The following ADAMTS17 variants were observed in gnomAD, a reference collection of about 807,000 sequenced individuals.
ADAMTS17 encodes the protein ADAM metallopeptidase with thrombospondin type 1 motif 17.
In ADAMTS17, 113 loss-of-function variants were observed where a neutral mutation model predicts 141.5. That is an observed-to-expected ratio of 0.80 (90% confidence interval 0.69 to 0.93). The LOEUF (loss-of-function observed/expected upper bound fraction) is 0.93. Among genes scored for constraint, ADAMTS17 ranks in the 40% least tolerant of loss-of-function variants. ADAMTS17 has a pLI of 0.00. For synonymous variants in ADAMTS17, 768 were observed against 630.6 expected, an observed-to-expected ratio of 1.22 and a Z score of -3.27; for missense variants, 1,659 against 1,517.9, an observed-to-expected ratio of 1.09 and a Z score of -1.54.
chr15:100,171,206 C>T (rs561282105), intron 8 of ADAMTS17, among the ~76,000 whole-genome samples: 85 of 152,282 alleles, frequency 5.6e-4, no homozygotes, highest in African/African-American at 1.8e-3. Context: ...CAGGGATGTC[C>T]GATGGGACAG....
At chr15:100,310,723 G>A (rs571688080) in intron 3 of ADAMTS17, among the ~76,000 whole-genome samples, 9 of 152,280 alleles carry the variant, frequency 5.9e-5, no homozygotes, top group African/African-American at 1.7e-4. Flanking sequence ...GAACACTCCC[G>A]GCTTTACTGG....
chr15:100,299,385 G>A (rs915493563), intron 3 of ADAMTS17, among the ~76,000 whole-genome samples: 2 of 150,226 alleles, frequency 1.3e-5, no homozygotes, highest in Admixed American at 6.7e-5. Flanking sequence ...CAGCAAATCC[G>A]CAAAAAACAA....
chr15:100,258,088 T>C (rs2043386816), intron 6 of ADAMTS17, among the ~76,000 whole-genome samples: 1 of 152,246 alleles, frequency 6.6e-6, no homozygotes, highest in Admixed American at 6.5e-5. Context: ...CCCTTGTACA[T>C]ATACAGCATA....
At chr15:100,334,023 G>C (rs2046132857) in intron 2 of ADAMTS17, among the ~76,000 whole-genome samples, 1 of 152,192 alleles carries the variant, frequency 6.6e-6, no homozygotes, top group African/African-American at 2.4e-5. Context: ...AAATAAAATG[G>C]ATCAGGCAAT....
intron 8 of ADAMTS17, among the ~76,000 whole-genome samples, chr15:100,190,950 A>G (rs183032946): frequency 1.3e-5 from 2 of 152,168 alleles, no homozygotes; most frequent in African/African-American, 2.4e-5. Context: ...TGGGCCACAT[A>G]GCGCCGTGGG....
chr15:100,094,520 T>C lies in ADAMTS17; in HGVS notation c.2137+1836A>G, dbSNP rs1181116037. Among the ~76,000 whole-genome samples, 3 of 152,210 alleles carry C rather than the reference T, an allele frequency of 2.0e-5. No homozygotes were observed. In the East Asian group the frequency reaches 5.8e-4, roughly 29 times the overall value. On this transcript the variant is annotated intron_variant, in intron 15 of 21. Coordinates refer to ENST00000268070, the MANE Select transcript of ADAMTS17 (RefSeq NM_139057.4). ...ACTTTTGACCTTAATCTGGGTTATCTCAGAAGTGAGATCCTATGTTAGTTA... is the reference window on the plus strand; with the variant it reads ...ACTTTTGACCTTAATCTGGGTTATCCCAGAAGTGAGATCCTATGTTAGTTA...
intron 18 of ADAMTS17, among the ~76,000 whole-genome samples, chr15:100,003,563 G>A (rs2060973534): frequency 6.6e-6 from 1 of 152,050 alleles, no homozygotes; most frequent in Admixed American, 6.5e-5. Flanking sequence ...ATTAAAAAAC[G>A]GTATGGTAAG....
intron 14 of ADAMTS17, among the ~76,000 whole-genome samples, chr15:100,100,961 G>C (rs1352352812): frequency 6.6e-6 from 1 of 151,920 alleles, no homozygotes; most frequent in African/African-American, 2.4e-5. Flanking sequence ...CCTCAGCCAG[G>C]TGGGCAACCA....
At chr15:100,011,326 A>AGGGAGGGAGGGGAAGGAAAGGAGAGAT (rs1567674221) in intron 18 of ADAMTS17, among the ~76,000 whole-genome samples, 9 of 108,228 alleles carry the variant, frequency 8.3e-5, no homozygotes, top group East Asian at 2.8e-4. Context: ...GAGGGATGGG[A>AGGGAGGGAGGGGAAGGAAAGGAGAGAT]GGGAGGGAGG....
In ADAMTS17 at chr15:100,120,013, G is replaced by T. The variant is rs142331347; in HGVS notation, c.1722-3000C>A. Among the ~76,000 whole-genome samples, 4 of 152,148 alleles carry T rather than the reference G, an allele frequency of 2.6e-5. No individual in the cohort carries two copies. In the East Asian group the frequency reaches 7.7e-4, roughly 29 times the overall value. ...AAGGATCTTATCTCCCAAATATCTG[G>T]GTTCTGTGTTCTCAGCAGAGAGCAT... On this transcript the variant is annotated intron_variant, in intron 12 of 21. Transcript: ENST00000268070.
intron 10 of ADAMTS17, among the ~76,000 whole-genome samples, chr15:100,150,638 C>T (rs1000676914): frequency 6.6e-6 from 1 of 152,134 alleles, no homozygotes; most frequent in African/African-American, 2.4e-5. Flanking sequence ...GGGAAAATAG[C>T]TCCGGCTCTC....
chr15:100,202,119 G>A (rs2041357148), intron 7 of ADAMTS17, among the ~76,000 whole-genome samples: 1 of 152,162 alleles, frequency 6.6e-6, no homozygotes, highest in African/African-American at 2.4e-5. Flanking sequence ...GCCCACCACG[G>A]GCTCTGATGC....
At position 100,254,249 on chromosome 15, in the gene ADAMTS17, ATT is replaced by A. The variant is rs1007573548; in HGVS notation, c.1032-72_1032-71del. 2.9e-6 allele frequency: 4 copies of A among 1,391,406 alleles called. No homozygotes were observed. In the African/African-American group the frequency reaches 5.7e-5, roughly 20 times the overall value. 86.2% of individuals were successfully genotyped at this position (1,391,406 alleles called of 1,614,324 possible). On this transcript the variant is annotated intron_variant, in intron 6 of 21. Coordinates refer to ENST00000268070, the MANE Select transcript of ADAMTS17 (RefSeq NM_139057.4). ...AGAATGGGAGAAGAAAACACTGTGA[ATT>A]AACCTCAAGTAGTCATCCTGCAATG... is the stretch of plus-strand genomic sequence containing the variant.
intron 7 of ADAMTS17, among the ~76,000 whole-genome samples, chr15:100,236,045 T>C (rs1199631405): frequency 6.6e-6 from 1 of 152,062 alleles, no homozygotes; most frequent in Non-Finnish European, 1.5e-5. Flanking sequence ...ACAGTCAATA[T>C]CCTAATGATC....
intron 15 of ADAMTS17, 120 bp from the exon 16 acceptor site, chr15:100,054,174 G>A: frequency 8.5e-7 from 1 of 1,170,710 alleles, no homozygotes; most frequent in Non-Finnish European, 1.3e-6. Context: ...CAGGGGGAAG[G>A]AGGGAGGCCT....
chr15:100,071,005 TA>T (rs1306039251), intron 15 of ADAMTS17, among the ~76,000 whole-genome samples: 2 of 149,612 alleles, frequency 1.3e-5, no homozygotes, highest in African/African-American at 5.0e-5. Flanking sequence ...GCAAGACTAA[TA>T]AAGAAGAAAA....
chr15:100,016,140 G>A (rs1255550934), intron 18 of ADAMTS17, among the ~76,000 whole-genome samples: 1 of 152,188 alleles, frequency 6.6e-6, no homozygotes, highest in Non-Finnish European at 1.5e-5. Context: ...TCTTCTACTA[G>A]TTCAATCCTA....
chr15:100,261,766 C>G, intron 5 of ADAMTS17, 130 bp from the exon 6 acceptor site: 1 of 1,018,028 alleles, frequency 9.8e-7, no homozygotes, highest in Non-Finnish European at 1.5e-6. Flanking sequence ...TCACGGCCCT[C>G]GAAGAAAAGC....
At chr15:100,308,997 G>A (rs920797959) in intron 3 of ADAMTS17, among the ~76,000 whole-genome samples, 1 of 152,228 alleles carries the variant, frequency 6.6e-6, no homozygotes, top group African/African-American at 2.4e-5. Context: ...CAACTTAGAT[G>A]TCCCAAAGAA....
Sources: gnomAD v4.1 joint callset for allele counts (sites outside exome capture counted in the v4.1 genomes callset) on GRCh38, gnomAD v4.1.1 for gene constraint, MANE v1.5 for transcripts, NCBI Gene and HGNC (gene_info 2026-07-23, HGNC 2026-07-21) for gene names.